SLCO1B3: variants seen among roughly 807,000 people sequenced by gnomAD.
SLCO1B3 encodes solute carrier organic anion transporter family member 1B3.
SLCO1B3 carries 72 observed loss-of-function variants against 71.8 expected under a neutral mutation model. That is an observed-to-expected ratio of 1.00 (90% confidence interval 0.83 to 1.22). SLCO1B3 has a LOEUF of 1.22. SLCO1B3 is among the 50% of genes most tolerant of loss of function. SLCO1B3 has a pLI of 0.00. For missense variants in SLCO1B3, 911 were observed against 819.7 expected (o/e 1.11, Z -1.36); for synonymous variants, 298 against 278.4 (o/e 1.07, Z -0.70).
chr12:20,820,230 G>A (rs534973248), intron 3 of SLCO1B3, among the ~76,000 whole-genome samples: 4 of 152,118 alleles, frequency 2.6e-5, no homozygotes, highest in Admixed American at 6.5e-5. Flanking sequence ...CTCGGCGTCC[G>A]TGATGGTCTA....
rs1316747343 is a variant in SLCO1B3, at chr12:20,815,812, A to G, written c.74A>G (p.Asn25Ser). 2 of 1,591,422 alleles carry G rather than the reference A, an allele frequency of 1.3e-6. No individual in the cohort carries two copies. Among genetic ancestry groups the G allele is most frequent in the Middle Eastern group, 1.7e-4 (1 of 6,000 alleles). ...SSEKKKTRRCNGFKMFLAALS... is the reference protein window; with the variant it reads ...SSEKKKTRRCSGFKMFLAALS... ...GAGAAAAAGAAAACAAGACGCTGCA[A>G]TGGATTCAAGGTAGAATGGGTTTTA... The change falls in exon 3 of 16, where the codon AAT (asparagine) becomes AGT (serine). Residue 25 changes from asparagine to serine, a missense_variant. Transcript: ENST00000381545.
intron 3 of SLCO1B3, among the ~76,000 whole-genome samples, chr12:20,827,608 G>A (rs12821625): frequency 0.15 from 22,923 of 151,146 alleles, 1,948 homozygotes; most frequent in African/African-American, 0.23. Flanking sequence ...GTCTCACTCC[G>A]TTGCCCGGGC....
At chr12:20,869,474 C>G (rs1200426875) in intron 8 of SLCO1B3, among the ~76,000 whole-genome samples, 1 of 152,154 alleles carries the variant, frequency 6.6e-6, no homozygotes, top group Non-Finnish European at 1.5e-5. Flanking sequence ...ATAATCATAT[C>G]TAAGATCTAT....
At position 20,881,021 on chromosome 12, in the gene SLCO1B3, G is replaced by C. The variant is rs754163888; in HGVS notation, c.1497+1G>C. On this transcript the variant is annotated splice_donor_variant, in intron 12 of 15. Coordinates refer to ENST00000381545, the MANE Select transcript of SLCO1B3 (RefSeq NM_019844.4). LOFTEE classifies it high-confidence loss of function. ...CTCAAGTGGTATTAAAAAGCATACA[G>C]TGAGTATTAGTTTTCACTTTTTCTC... The C allele has an allele frequency of 1.3e-6, 2 of 1,587,882 alleles. No homozygotes were observed. Among genetic ancestry groups the C allele is most frequent in the African/African-American group, 2.7e-5 (2 of 73,622 alleles).
At chr12:20,834,269 C>A (rs1864622220) in intron 3 of SLCO1B3, among the ~76,000 whole-genome samples, 1 of 135,032 alleles carries the variant, frequency 7.4e-6, no homozygotes, top group Admixed American at 8.5e-5. Context: ...TATACATAGT[C>A]TTCATATACA....
At chr12:20,861,545 A>G (rs1191434092) in intron 6 of SLCO1B3, among the ~76,000 whole-genome samples, 8 of 152,200 alleles carry the variant, frequency 5.3e-5, no homozygotes, top group Admixed American at 6.5e-5. Context: ...AGAAAAAAGA[A>G]CAAATTTAGT....
intron 3 of SLCO1B3, among the ~76,000 whole-genome samples, chr12:20,830,292 G>T (rs1422164591): frequency 1.3e-5 from 2 of 152,138 alleles, no homozygotes; most frequent in Admixed American, 6.5e-5. Flanking sequence ...CAATTTAGAA[G>T]TTTATTTTGC....
At chr12:20,836,682 T>C (rs4762678) in intron 3 of SLCO1B3, among the ~76,000 whole-genome samples, 110,193 of 151,988 alleles carry the variant, frequency 0.73, 42,499 homozygotes, top group South Asian at 0.9. Context: ...CGCTCTGTTA[T>C]CCAGGCTGGA....
chr12:20,829,933 G>T (rs534070639), intron 3 of SLCO1B3, among the ~76,000 whole-genome samples: 165 of 152,242 alleles, frequency 1.1e-3, no homozygotes, highest in Non-Finnish European at 2.0e-3. Context: ...TGGCCATTTG[G>T]TTTTGGTGGG....
At position 20,875,411 on chromosome 12, in the gene SLCO1B3, AATG is replaced by A; in HGVS notation, c.910_912del (p.Asp304del). The A allele has an allele frequency of 6.2e-7, 1 of 1,607,932 alleles. No individual in the cohort carries two copies. The highest frequency in any genetic ancestry group is 8.5e-7 in the Non-Finnish European group (1 of 1,178,250). ...ACTATCATTGCATGTGCTGAAAACA[AATG>A]ATGATAGAAATCAAACAGCTAATTT... On this transcript the variant is annotated inframe_deletion, in exon 9 of 16. Transcript: ENST00000381545.
chr12:20,893,257 C>G (rs1015395994), intron 13 of SLCO1B3, among the ~76,000 whole-genome samples: 2 of 151,984 alleles, frequency 1.3e-5, no homozygotes, highest in Non-Finnish European at 1.5e-5. Context: ...AACTGAAAGG[C>G]CAGAGAACAT....
At chr12:20,817,754 A>T (rs1565575696) in intron 3 of SLCO1B3, among the ~76,000 whole-genome samples, 1 of 148,300 alleles carries the variant, frequency 6.7e-6, no homozygotes, top group East Asian at 2.0e-4. Context: ...CACCCAGCTA[A>T]TTTTTTTTTT....
Position 20,916,198 on chromosome 12 carries a change from A to T in SLCO1B3, c.2060A>T (p.Asp687Val). The change falls in exon 16 of 16, where the codon GAT (aspartate) becomes GTT (valine). Residue 687 changes from aspartate to valine, a missense_variant. Asp to Val is a radical substitution (Grantham distance 152). Coordinates refer to ENST00000381545, the MANE Select transcript of SLCO1B3 (RefSeq NM_019844.4). ...CATTTTGTACCTTCTGCTGGAACAG[A>T]TAGTAAAACATGTAATTTGGACATG... is the stretch of plus-strand genomic sequence containing the variant. Reference protein sequence around the residue: ...GEHFVPSAGTDSKTCNLDMQD... With the variant: ...GEHFVPSAGTVSKTCNLDMQD... 6.2e-7 allele frequency: 1 copy of T among 1,612,692 alleles called. No individual in the cohort carries two copies. The highest frequency in any genetic ancestry group is 8.5e-7 in the Non-Finnish European group (1 of 1,178,826).
At chr12:20,831,737 G>C (rs1413613412) in intron 3 of SLCO1B3, among the ~76,000 whole-genome samples, 1 of 151,758 alleles carries the variant, frequency 6.6e-6, no homozygotes, top group Non-Finnish European at 1.5e-5. Flanking sequence ...GAAATCTTGT[G>C]AATTAGGAGT....
chr12:20,874,072 T>A (rs189087476), intron 8 of SLCO1B3, among the ~76,000 whole-genome samples: 287 of 152,316 alleles, frequency 1.9e-3, no homozygotes, highest in African/African-American at 5.1e-3. Context: ...AACATACATG[T>A]GCATGTATCT....
chr12:20,825,187 T>C (rs1201575028), intron 3 of SLCO1B3, among the ~76,000 whole-genome samples: 1 of 152,160 alleles, frequency 6.6e-6, no homozygotes, highest in Non-Finnish European at 1.5e-5. Flanking sequence ...AAGAACCTTG[T>C]TTATCTAACG....
At chr12:20,828,057 GA>G (rs1486125178) in intron 3 of SLCO1B3, among the ~76,000 whole-genome samples, 1 of 152,104 alleles carries the variant, frequency 6.6e-6, no homozygotes. Context: ...TGATTGTATA[GA>G]AGACCAATTT....
At chr12:20,871,654 A>T (rs1016121610) in intron 8 of SLCO1B3, among the ~76,000 whole-genome samples, 1 of 152,144 alleles carries the variant, frequency 6.6e-6, no homozygotes, top group Admixed American at 6.5e-5. Context: ...CTTGGAAAGT[A>T]TATGGAAGAA....
chr12:20,861,010 C>T lies in SLCO1B3; in HGVS notation c.360-7C>T, dbSNP rs551219238. ...GCAAAATGTTCAATTTCATGTTGCT[C>T]TTACAGTTATAGGTATTCTAAAGAA... On this transcript the variant is annotated splice_polypyrimidine_tract_variant and splice_region_variant and intron_variant, in intron 5 of 15. Transcript: ENST00000381545. The T allele has an allele frequency of 6.4e-7, 1 of 1,562,084 alleles. No individual in the cohort carries two copies. The highest frequency in any genetic ancestry group is 1.2e-5 in the South Asian group (1 of 84,268).
Sources: gnomAD v4.1 joint callset for allele counts (sites outside exome capture counted in the v4.1 genomes callset) on GRCh38, gnomAD v4.1.1 for gene constraint, MANE v1.5 for transcripts, NCBI Gene and HGNC (gene_info 2026-07-23, HGNC 2026-07-21) for gene names.